Variants in IGSF9B observed in about 807,000 individuals in gnomAD.
IGSF9B encodes the protein protein turtle homolog B.
In IGSF9B, 48 loss-of-function variants were observed where a neutral mutation model predicts 143.7. The ratio of observed to expected loss-of-function variants is 0.33; its 90% CI spans 0.26 to 0.42. IGSF9B has a LOEUF of 0.42. IGSF9B is among the 20% of genes least tolerant of loss of function. The pLI, the probability that IGSF9B is intolerant of heterozygous loss-of-function variation, is 1.00. For missense variants in IGSF9B, 1,706 were observed against 1,980.0 expected, an observed-to-expected ratio of 0.86 and a Z score of 2.63; for synonymous variants, 903 against 833.1, an observed-to-expected ratio of 1.08 and a Z score of -1.44.
At chr11:133,923,777 G>A (rs1327602280) in intron 15 of IGSF9B, among the ~76,000 whole-genome samples, 1 of 152,226 alleles carries the variant, frequency 6.6e-6, no homozygotes, top group Non-Finnish European at 1.5e-5. Flanking sequence ...GTCTGACGAG[G>A]CACATTTCCT....
chr11:133,912,130 A>G, intron 18 of IGSF9B, 123 bp from the exon 19 acceptor site: 1 of 1,180,384 alleles, frequency 8.5e-7, no homozygotes, highest in Non-Finnish European at 1.2e-6. Flanking sequence ...ACAGAGCCCA[A>G]GGTGCCCACG....
At chr11:133,950,211 G>T (rs1245684272) in intron 1 of IGSF9B, among the ~76,000 whole-genome samples, 1 of 152,236 alleles carries the variant, frequency 6.6e-6, no homozygotes, top group Non-Finnish European at 1.5e-5. Flanking sequence ...CTCCGCCGGG[G>T]AAGGGCTGGG....
rs1249934534 is a variant in IGSF9B, at chr11:133,920,532, C to G, written c.3193G>C (p.Asp1065His). The G allele has an allele frequency of 1.2e-6, 2 of 1,609,558 alleles. No homozygotes were observed. Among genetic ancestry groups the G allele is most frequent in the African/African-American group, 2.7e-5 (2 of 74,900 alleles). Residue 1065 changes from aspartate (D) to histidine (H), a missense_variant, in exon 18 of 20, where the codon GAT becomes CAT. Physicochemically the swap from Asp to His is moderately conservative, Grantham distance 81. Coordinates refer to ENST00000533871, the MANE Select transcript of IGSF9B (RefSeq NM_001277285.4). ...TTGGGCTGCAGACTCTCGGGCACAT[C>G]ACAGGGTGGCAGCTGGTGGGGGAAC... Reference protein sequence around the residue: ...MMFPHQLPPCDVPESLQPKAG... With the variant: ...MMFPHQLPPCHVPESLQPKAG...
rs1186313625 is a variant in IGSF9B at position 133,931,715 on chromosome 11, A to G, written c.1191T>C (p.Cys397=). The change falls in exon 9 of 20, where the codon TGT becomes TGC. Residue 397 remains cysteine, a synonymous_variant. Coordinates refer to ENST00000533871, the MANE Select transcript of IGSF9B (RefSeq NM_001277285.4). The surrounding 1 kb of genome is among the most constrained non-coding windows in gnomAD (Gnocchi z 7.7). The part of the protein sequence containing the change: ...ATEEALGTYT[C]VPYNTLGTMG... ...TGGTCCCCAGAGTGTTGTAAGGCAC[A>G]CAGGTATAAGTGCCAAGAGCCTCCT... The G allele has an allele frequency of 1.2e-6, 2 of 1,612,330 alleles. No individual in the cohort carries two copies. The highest frequency in any genetic ancestry group is 3.4e-5 in the Admixed American group (2 of 59,608).
intron 1 of IGSF9B, among the ~76,000 whole-genome samples, chr11:133,950,568 C>G (rs943292621): frequency 7.2e-5 from 11 of 152,234 alleles, no homozygotes; most frequent in Non-Finnish European, 1.5e-4. Context: ...ACCCAGGCGC[C>G]GGGATCAAGG....
At chr11:133,936,008 G>C (rs1226378428) in intron 6 of IGSF9B, 45 bp downstream of exon 6, 3 of 1,603,202 alleles carry the variant, frequency 1.9e-6, no homozygotes, top group Non-Finnish European at 2.6e-6. Context: ...TGCCCGTGGG[G>C]GCTGGGGTGG....
intron 1 of IGSF9B, among the ~76,000 whole-genome samples, chr11:133,946,530 C>G (rs550675292): frequency 9.8e-5 from 15 of 152,292 alleles, no homozygotes; most frequent in African/African-American, 2.9e-4. Context: ...CAGCCCTACA[C>G]GCCAGCTCTT....
At chr11:133,952,841 A>C (rs1174191005) in intron 1 of IGSF9B, among the ~76,000 whole-genome samples, 1 of 152,154 alleles carries the variant, frequency 6.6e-6, no homozygotes, top group Non-Finnish European at 1.5e-5. Context: ...GGAAGCTCTC[A>C]GCAGTTGCAG....
rs754341528 is a variant in IGSF9B at position 133,920,199 on chromosome 11, G to A, written c.3526C>T (p.Arg1176Trp). The A allele has an allele frequency of 3.2e-5, 49 of 1,513,182 alleles. No homozygotes were observed. Among genetic ancestry groups the A allele is most frequent in the Non-Finnish European group, 4.3e-5 (49 of 1,131,300 alleles). The allele number at this position is 1,513,182 out of a possible 1,614,324, so 93.7% of individuals were successfully genotyped here. The change falls in exon 18 of 20, where the codon CGG (arginine) becomes TGG (tryptophan). Residue 1176 changes from arginine to tryptophan, a missense_variant. Arg to Trp is a moderately radical substitution (Grantham distance 101, BLOSUM62 -3). Around this residue, in one of 7 missense-constraint regions of IGSF9B, gnomAD observed 880 missense variants for 762.9 expected, o/e 1.15. Coordinates refer to ENST00000533871, the MANE Select transcript of IGSF9B (RefSeq NM_001277285.4). The stretch of plus-strand genomic sequence containing the variant: ...GCCTGCCGAGGGCTAGGCCGGGGCC[G>A]GGGCTGGGGCTCATACCACCGGGTG... ...LDTRWYEPQP[R>W]PRPSPRQARR...
intron 18 of IGSF9B, 68 bp downstream of exon 18, chr11:133,919,674 G>A: frequency 9.6e-7 from 1 of 1,036,786 alleles, no homozygotes; most frequent in Non-Finnish European, 1.3e-6. Context: ...CGGGGTGGAG[G>A]GCAGGGCGAG....
chr11:133,934,572 A>G (rs1002357183), intron 7 of IGSF9B, among the ~76,000 whole-genome samples: 2 of 152,240 alleles, frequency 1.3e-5, no homozygotes, highest in African/African-American at 2.4e-5. Context: ...GCAGACGCAG[A>G]GAGGCGATGC....
rs1433310932 is a variant in IGSF9B, at chr11:133,931,780, G to A, written c.1126C>T (p.Leu376=). The change falls in exon 9 of 20, where the codon CTG becomes TTG. Residue 376 remains leucine (L), a synonymous_variant. Coordinates refer to ENST00000533871, the MANE Select transcript of IGSF9B (RefSeq NM_001277285.4). This position sits in a 1 kb window ranked among gnomAD's most constrained non-coding sequence, Gnocchi z 7.7. ...ATTCGAATGGAGCCATCCTCCATCA[G>A]GGTCCAACCGAGGTTCTGCCAGACA... is the stretch of plus-strand genomic sequence containing the variant. ...LQVEKNLGWT[L]MEDGSIRIEE... The A allele has an allele frequency of 6.2e-7, 1 of 1,611,930 alleles. No individual in the cohort carries two copies. The highest frequency in any genetic ancestry group is 1.3e-5 in the African/African-American group (1 of 74,790).
chr11:133,914,892 T>C (rs552836580), intron 18 of IGSF9B, among the ~76,000 whole-genome samples: 2 of 152,290 alleles, frequency 1.3e-5, no homozygotes, highest in African/African-American at 2.4e-5. Context: ...ACCATGTTTG[T>C]TGCCAACGCC....
rs952879581 is a variant in IGSF9B at position 133,953,989 on chromosome 11, C to T, written c.64+2702G>A. 4.6e-5 allele frequency among the ~76,000 whole-genome samples: 7 copies of T among 152,154 alleles called. No homozygotes were observed. In the East Asian group the frequency reaches 5.8e-4, roughly 13 times the overall value. On this transcript the variant is annotated intron_variant, in intron 1 of 19. Coordinates refer to ENST00000533871, the MANE Select transcript of IGSF9B (RefSeq NM_001277285.4). The surrounding 1 kb of genome is among the most constrained non-coding windows in gnomAD (Gnocchi z 4.2). ...TCCCGCACCCGAGGGCTGATGGAGT[C>T]GGGTCCCAACACAACATCATCCCTT...
intron 18 of IGSF9B, among the ~76,000 whole-genome samples, chr11:133,915,822 C>A (rs1465961483): frequency 6.6e-6 from 1 of 152,236 alleles, no homozygotes; most frequent in Non-Finnish European, 1.5e-5. Flanking sequence ...CTTCTAATCA[C>A]CTAAGAGCAA....
chr11:133,906,874 C>T lies in IGSF9B; in HGVS notation c.*2195G>A, dbSNP rs1939217975. Among the ~76,000 whole-genome samples the T allele has an allele frequency of 6.6e-6, 1 of 152,148 alleles. No individual in the cohort carries two copies. Among genetic ancestry groups the T allele is most frequent in the South Asian group, 2.1e-4 (1 of 4,824 alleles). On this transcript the variant is annotated 3_prime_UTR_variant, in exon 20 of 20. Transcript: ENST00000533871. ...GCTGCACGTCAGCTTGCGGTAAGCC[C>T]CCACCTCCCACCCCAACACCTCAGG...
Position 133,936,122 on chromosome 11 carries a change from C to T in IGSF9B, c.752G>A (p.Arg251Gln). The T allele has an allele frequency of 1.9e-6, 3 of 1,613,292 alleles. No individual in the cohort carries two copies. Among genetic ancestry groups the T allele is most frequent in the Non-Finnish European group, 2.5e-6 (3 of 1,179,582 alleles). The change falls in exon 6 of 20, where the codon CGG (arginine) becomes CAG (glutamine). Residue 251 changes from arginine (R) to glutamine (Q), a missense_variant. This residue lies in a region of IGSF9B where 238 missense variants were observed against 452.6 expected (regional missense o/e 0.53). Coordinates refer to ENST00000533871, the MANE Select transcript of IGSF9B (RefSeq NM_001277285.4). The stretch of plus-strand genomic sequence containing the variant: ...GAGGTTGCCCGGATACGCCTCTGCC[C>T]GGCAGGTGAGCAGAGCATCCTGGGA... ...NISQDALLTCRAEAYPGNLTY... is the reference protein window; with the variant it reads ...NISQDALLTCQAEAYPGNLTY...
At position 133,899,917 on chromosome 11, in the gene IGSF9B, G is replaced by C. The variant is rs565111866; in HGVS notation, c.*9152C>G. 1.2e-3 allele frequency: 181 copies of C among 152,274 alleles called. 2 individuals carry two copies. The highest frequency in any genetic ancestry group is 4.2e-3 in the African/African-American group (173 of 41,550). The allele number at this position is 152,274 out of a possible 1,614,324, so 9.4% of individuals were successfully genotyped here. ...AAAGATCATTCAAGGCAAGGATGGTGCCACTGACAGTGGCACCAGCACTGG... is the reference window on the plus strand; with the variant it reads ...AAAGATCATTCAAGGCAAGGATGGTCCCACTGACAGTGGCACCAGCACTGG... On this transcript the variant is annotated 3_prime_UTR_variant, in exon 20 of 20. Coordinates refer to ENST00000533871, the MANE Select transcript of IGSF9B (RefSeq NM_001277285.4).
At chr11:133,955,213 G>A (rs919085370) in intron 1 of IGSF9B, among the ~76,000 whole-genome samples, 4 of 152,124 alleles carry the variant, frequency 2.6e-5, no homozygotes, top group Non-Finnish European at 5.9e-5. Context: ...ACTGTCAAGC[G>A]CAGCCCGATG....
Sources: allele counts gnomAD v4.1 joint callset (sites outside exome capture counted in the v4.1 genomes callset), GRCh38; gene constraint gnomAD v4.1.1; regional missense constraint gnomAD v4.1.1; non-coding constraint Gnocchi (gnomAD v3.1); transcripts MANE v1.5; gene names NCBI Gene and HGNC (gene_info 2026-07-23, HGNC 2026-07-21).